BTG1: variants seen among roughly 807,000 people sequenced by gnomAD.
The protein encoded by BTG1 is protein BTG1.
In BTG1, 2 loss-of-function variants were observed where a neutral mutation model predicts 15.2. The observed-to-expected ratio is 0.13, with a 90% CI of 0.05 to 0.41. BTG1 has a LOEUF of 0.41. Among genes scored for constraint, BTG1 ranks in the 10% least tolerant of loss-of-function variants. The probability of loss-of-function intolerance (pLI) is 0.99; values close to 1 mark genes in which losing one functional copy is unlikely to be tolerated. For synonymous variants in BTG1, 109 were observed against 82.4 expected (o/e 1.32, Z -1.75); for missense variants, 149 against 215.0 (o/e 0.69, Z 1.92).
In BTG1 at chr12:92,140,767, C is replaced by G. The variant is rs1400595498; in HGVS notation, c.*3313G>C. 1.4e-4 allele frequency: 32 copies of G among 232,372 alleles called. No homozygotes were observed. In the East Asian group the frequency reaches 2.0e-3, roughly 14 times the overall value. The allele number at this position is 232,372 out of a possible 1,614,324, so 14.4% of individuals were successfully genotyped here. Reference sequence around the variant, plus strand: ...GAGATAAGTCTAAAATGTTGGCAGTCTGTATACCTTCAGATAAATAAGAAA... The same window carrying G: ...GAGATAAGTCTAAAATGTTGGCAGTGTGTATACCTTCAGATAAATAAGAAA... On this transcript the variant is annotated 3_prime_UTR_variant, in exon 2 of 2. Transcript: ENST00000256015.
rs2136944821 is a variant in BTG1 at position 92,141,695 on chromosome 12, A to G, written c.*2385T>C. The G allele has an allele frequency of 4.3e-6, 1 of 232,502 alleles. No homozygotes were observed. The highest frequency in any genetic ancestry group is 5.6e-5 in the Admixed American group (1 of 17,776). 14.4% of individuals were successfully genotyped at this position (232,502 alleles called of 1,614,324 possible). ...CAATTGTCTGGGGAAGGTAAGGTTA[A>G]AGTCACAGGAAACAGCTGGTCTCAG... On this transcript the variant is annotated 3_prime_UTR_variant, in exon 2 of 2. Transcript: ENST00000256015.
chr12:92,143,985 G>A lies in BTG1; in HGVS notation c.*95C>T. The A allele has an allele frequency of 6.7e-7, 1 of 1,487,506 alleles. No homozygotes were observed. Among genetic ancestry groups the A allele is most frequent in the Non-Finnish European group, 9.1e-7 (1 of 1,096,810 alleles). 92.1% of individuals were successfully genotyped at this position (1,487,506 alleles called of 1,614,324 possible). A position where few individuals can be genotyped will look rare whatever the true frequency, so the allele number is the denominator to read the frequency against. On this transcript the variant is annotated 3_prime_UTR_variant, in exon 2 of 2. Transcript: ENST00000256015. ...GCCAGATCTTCACAGCTGTGACATG[G>A]TTTAAATTCCATAATCCATCCCCAA...
Position 92,144,160 on chromosome 12 carries a change from G to C in BTG1, c.436C>G (p.Arg146Gly), listed in dbSNP as rs371384643. ...AGAAGTTCCTCCTTACAGCTGATTC[G>C]GCTGTCTACCATTTGCACGTTGGTG... ...NSTNVQMVDS[R>G]ISCKEELLLG... Residue 146 changes from arginine (R) to glycine (G), a missense_variant, in exon 2 of 2, where the codon CGA becomes GGA. This residue lies in a region of BTG1 where 52 missense variants were observed against 57.4 expected (regional missense o/e 0.91). Coordinates refer to ENST00000256015, the MANE Select transcript of BTG1 (RefSeq NM_001731.3). 3.1e-6 allele frequency: 5 copies of C among 1,613,900 alleles called. No individual in the cohort carries two copies. Among genetic ancestry groups the C allele is most frequent in the Non-Finnish European group, 3.4e-6 (4 of 1,180,008 alleles).
rs1011187688 is a variant in BTG1 at position 92,145,553 on chromosome 12, G to A, written c.-18C>T. 2.1e-6 allele frequency: 3 copies of A among 1,402,810 alleles called. No homozygotes were observed. The highest frequency in any genetic ancestry group is 3.0e-5 in the African/African-American group (2 of 67,636). The allele number at this position is 1,402,810 out of a possible 1,614,324, so 86.9% of individuals were successfully genotyped here. On this transcript the variant is annotated 5_prime_UTR_variant, in exon 1 of 2. Coordinates refer to ENST00000256015, the MANE Select transcript of BTG1 (RefSeq NM_001731.3). Reference sequence around the variant, plus strand: ...GGATGCATGGGGGCGGCGTGCGGGGGCGGCCCGGGGCGGCTGGGGCTCGGC... The same window carrying A: ...GGATGCATGGGGGCGGCGTGCGGGGACGGCCCGGGGCGGCTGGGGCTCGGC...
At position 92,145,696 on chromosome 12, in the gene BTG1, A is replaced by G. The variant is rs1870545094; in HGVS notation, c.-161T>C. 4.6e-6 allele frequency: 2 copies of G among 430,682 alleles called. No individual in the cohort carries two copies. The highest frequency in any genetic ancestry group is 2.1e-5 in the African/African-American group (1 of 48,196). 26.7% of individuals were successfully genotyped at this position (430,682 alleles called of 1,614,324 possible). On this transcript the variant is annotated 5_prime_UTR_variant, in exon 1 of 2. Coordinates refer to ENST00000256015, the MANE Select transcript of BTG1 (RefSeq NM_001731.3). ...TTTGTCTTTCTTTCTTTAGACTAAA[A>G]AAGTTATTTTCGAGACAGGAGGCGG... is the stretch of plus-strand genomic sequence containing the variant.
chr12:92,140,735 AG>A lies in BTG1; in HGVS notation c.*3344del, dbSNP rs1565852880. Reference sequence around the variant, plus strand: ...GCCATATATAAAAGTTCAGTGGCAGAGACTGAGAGATAAGTCTAAAATGTTG... The same window carrying A: ...GCCATATATAAAAGTTCAGTGGCAGAACTGAGAGATAAGTCTAAAATGTTG... On this transcript the variant is annotated 3_prime_UTR_variant, in exon 2 of 2. Transcript: ENST00000256015. 3 of 232,294 alleles carry A rather than the reference AG, an allele frequency of 1.3e-5. No homozygotes were observed. Among genetic ancestry groups the A allele is most frequent in the African/African-American group, 6.6e-5 (3 of 45,330 alleles). The allele number at this position is 232,294 out of a possible 1,614,324, so 14.4% of individuals were successfully genotyped here. A position where few individuals can be genotyped will look rare whatever the true frequency, so the allele number is the denominator to read the frequency against.
At position 92,142,274 on chromosome 12, in the gene BTG1, G is replaced by C. The variant is rs1277032983; in HGVS notation, c.*1806C>G. The C allele has an allele frequency of 8.7e-6, 2 of 230,864 alleles. No homozygotes were observed. The highest frequency in any genetic ancestry group is 1.7e-5 in the Non-Finnish European group (2 of 116,736). 14.3% of individuals were successfully genotyped at this position (230,864 alleles called of 1,614,324 possible). ...AGAAATAACTTCTTAAAAGTTATTT[G>C]AGATTACTAATTTCAAGTAATTACT... is the stretch of plus-strand genomic sequence containing the variant. On this transcript the variant is annotated 3_prime_UTR_variant, in exon 2 of 2. Transcript: ENST00000256015.
In BTG1 at chr12:92,145,754, T is replaced by C. The variant is rs896540410; in HGVS notation, c.-219A>G. ...GAGGAAGAGACGAGCGATGGCGGCC[T>C]GGTCACATCGCTCGGACCTCCCCAG... On this transcript the variant is annotated 5_prime_UTR_variant, in exon 1 of 2. Transcript: ENST00000256015. 5 of 300,830 alleles carry C rather than the reference T, an allele frequency of 1.7e-5. No individual in the cohort carries two copies. The East Asian group carries it at 2.4e-4, about 15-fold the overall frequency. 18.6% of individuals were successfully genotyped at this position (300,830 alleles called of 1,614,324 possible).
At chr12:92,144,837 C>T (rs1210717255) in intron 1 of BTG1, among the ~76,000 whole-genome samples, 1 of 152,138 alleles carries the variant, frequency 6.6e-6, no homozygotes, top group Non-Finnish European at 1.5e-5. Flanking sequence ...CTGTTAACCC[C>T]GAAGGGAAGA....
rs1870406914 is a variant in BTG1, at chr12:92,143,856, A to G, written c.*224T>C. On this transcript the variant is annotated 3_prime_UTR_variant, in exon 2 of 2. Transcript: ENST00000256015. ...TCCCTCCCTAGCAAATAAAGTGATC[A>G]TTTACTTGGACTCACAGGCTATTAA... 1.9e-6 allele frequency: 1 copy of G among 516,814 alleles called. No homozygotes were observed. The highest frequency in any genetic ancestry group is 3.3e-6 in the Non-Finnish European group (1 of 302,680). The allele number at this position is 516,814 out of a possible 1,614,324, so 32.0% of individuals were successfully genotyped here.
rs1485422895 is a variant in BTG1 at position 92,145,830 on chromosome 12, T to C, written c.-295A>G. On this transcript the variant is annotated 5_prime_UTR_variant, in exon 1 of 2. Transcript: ENST00000256015. ...ATTCGAAGATCTCAATAGCTGCATTTCCAGCTCCGAGAGGCGAAGAGATGC... is the reference window on the plus strand; with the variant it reads ...ATTCGAAGATCTCAATAGCTGCATTCCCAGCTCCGAGAGGCGAAGAGATGC... The C allele has an allele frequency of 3.3e-5, 8 of 240,984 alleles. No individual in the cohort carries two copies. The highest frequency in any genetic ancestry group is 4.8e-5 in the Non-Finnish European group (6 of 124,260). The allele number at this position is 240,984 out of a possible 1,614,324, so 14.9% of individuals were successfully genotyped here.
chr12:92,142,226 C>G lies in BTG1; in HGVS notation c.*1854G>C, dbSNP rs1347510747. 2 of 231,564 alleles carry G rather than the reference C, an allele frequency of 8.6e-6. No homozygotes were observed. The highest frequency in any genetic ancestry group is 1.7e-5 in the Non-Finnish European group (2 of 117,140). The allele number at this position is 231,564 out of a possible 1,614,324, so 14.3% of individuals were successfully genotyped here. A position where few individuals can be genotyped will look rare whatever the true frequency, so the allele number is the denominator to read the frequency against. ...CCTATTCCTGTGTTGTCTACAAAAT[C>G]AGAATAATTTATTCCTGGGTGTAGA... On this transcript the variant is annotated 3_prime_UTR_variant, in exon 2 of 2. Transcript: ENST00000256015.
At position 92,141,121 on chromosome 12, in the gene BTG1, T is replaced by A. The variant is rs1285292027; in HGVS notation, c.*2959A>T. ...GTCATTAAACACTAGCCATCGGGAA[T>A]ACGGCTTCCTTCCTTTTAACTTGAA... On this transcript the variant is annotated 3_prime_UTR_variant, in exon 2 of 2. Transcript: ENST00000256015. 2 of 232,706 alleles carry A rather than the reference T, an allele frequency of 8.6e-6. No homozygotes were observed. The highest frequency in any genetic ancestry group is 1.7e-5 in the Non-Finnish European group (2 of 117,764). The allele number at this position is 232,706 out of a possible 1,614,324, so 14.4% of individuals were successfully genotyped here.
rs939896243 is a variant in BTG1 at position 92,141,532 on chromosome 12, C to T, written c.*2548G>A. ...CAATCACAACTATGAATTCCTGGTGCCAAAGGCAACAATAATTTTGAAAGT... is the reference window on the plus strand; with the variant it reads ...CAATCACAACTATGAATTCCTGGTGTCAAAGGCAACAATAATTTTGAAAGT... On this transcript the variant is annotated 3_prime_UTR_variant, in exon 2 of 2. Transcript: ENST00000256015. 4.3e-6 allele frequency: 1 copy of T among 231,220 alleles called. No homozygotes were observed. The highest frequency in any genetic ancestry group is 5.6e-5 in the Admixed American group (1 of 17,738). 14.3% of individuals were successfully genotyped at this position (231,220 alleles called of 1,614,324 possible). A position where few individuals can be genotyped will look rare whatever the true frequency, so the allele number is the denominator to read the frequency against.
At position 92,144,066 on chromosome 12, in the gene BTG1, C is replaced by T. The variant is rs1870427560; in HGVS notation, c.*14G>A. ...TATCCATCATCATCAGATGATCCAT[C>T]CACAGACTATATCTTAACCTGATAC... On this transcript the variant is annotated 3_prime_UTR_variant, in exon 2 of 2. Transcript: ENST00000256015. The T allele has an allele frequency of 1.2e-6, 2 of 1,609,714 alleles. No homozygotes were observed. The highest frequency in any genetic ancestry group is 1.3e-5 in the African/African-American group (1 of 74,852).
chr12:92,143,160 GAGA>G lies in BTG1; in HGVS notation c.*917_*919del, dbSNP rs1193137290. 4 of 232,704 alleles carry G rather than the reference GAGA, an allele frequency of 1.7e-5. No individual in the cohort carries two copies. The highest frequency in any genetic ancestry group is 2.5e-5 in the Non-Finnish European group (3 of 117,654). 14.4% of individuals were successfully genotyped at this position (232,704 alleles called of 1,614,324 possible). A position where few individuals can be genotyped will look rare whatever the true frequency, so the allele number is the denominator to read the frequency against. ...AAGATAAGAAACGATTTATTATAGA[GAGA>G]AGAAAAATTTCTCATCCAAAATATA... is the stretch of plus-strand genomic sequence containing the variant. On this transcript the variant is annotated 3_prime_UTR_variant, in exon 2 of 2. Transcript: ENST00000256015.
rs1180846321 is a variant in BTG1, at chr12:92,142,618, T to C, written c.*1462A>G. 4.3e-6 allele frequency: 1 copy of C among 232,904 alleles called. No homozygotes were observed. Among genetic ancestry groups the C allele is most frequent in the Admixed American group, 5.6e-5 (1 of 17,788 alleles). The allele number at this position is 232,904 out of a possible 1,614,324, so 14.4% of individuals were successfully genotyped here. A position where few individuals can be genotyped will look rare whatever the true frequency, so the allele number is the denominator to read the frequency against. Reference sequence around the variant, plus strand: ...GTTCATAAACATACCTTTTGTTGAATTCCAGCTTATGTGATTTTTATGTAC... The same window carrying C: ...GTTCATAAACATACCTTTTGTTGAACTCCAGCTTATGTGATTTTTATGTAC... On this transcript the variant is annotated 3_prime_UTR_variant, in exon 2 of 2. Transcript: ENST00000256015.
rs1276908307 is a variant in BTG1, at chr12:92,141,128, T to C, written c.*2952A>G. On this transcript the variant is annotated 3_prime_UTR_variant, in exon 2 of 2. Transcript: ENST00000256015. ...AACACTAGCCATCGGGAATACGGCT[T>C]CCTTCCTTTTAACTTGAAGGCCAAT... 1 of 232,722 alleles carries C rather than the reference T, an allele frequency of 4.3e-6. No homozygotes were observed. The highest frequency in any genetic ancestry group is 8.5e-6 in the Non-Finnish European group (1 of 117,798). 14.4% of individuals were successfully genotyped at this position (232,722 alleles called of 1,614,324 possible). A position where few individuals can be genotyped will look rare whatever the true frequency, so the allele number is the denominator to read the frequency against.
intron 1 of BTG1, chr12:92,144,937 C>G (rs2136949262): frequency 5.1e-6 from 1 of 195,318 alleles, no homozygotes; most frequent in East Asian, 1.7e-4. Context: ...GCAGGAGGCG[C>G]GGGGAGACGG....
Sources: gnomAD v4.1 joint callset for allele counts (sites outside exome capture counted in the v4.1 genomes callset) on GRCh38, gnomAD v4.1.1 for gene constraint, gnomAD v4.1.1 regional missense constraint, MANE v1.5 for transcripts, NCBI Gene and HGNC (gene_info 2026-07-23, HGNC 2026-07-21) for gene names.